Variants in STK32B observed in about 807,000 individuals in gnomAD.
The protein encoded by STK32B is serine/threonine kinase 32B.
A neutral mutation model predicts 52.6 loss-of-function variants in STK32B; 43 were observed. The observed-to-expected ratio is 0.82, with a 90% CI of 0.64 to 1.05. The LOEUF (loss-of-function observed/expected upper bound fraction) is 1.05. Among genes scored for constraint, STK32B ranks in the 50% least tolerant of loss-of-function variants. STK32B has a pLI of 0.00. For missense variants in STK32B, 621 were observed against 534.6 expected, an observed-to-expected ratio of 1.16 and a Z score of -1.59; for synonymous variants, 238 against 204.3, an observed-to-expected ratio of 1.17 and a Z score of -1.41.
intron 4 of STK32B, among the ~76,000 whole-genome samples, chr4:5,383,400 G>A (rs1360218623): frequency 6.6e-6 from 1 of 152,190 alleles, no homozygotes; most frequent in African/African-American, 2.4e-5. Flanking sequence ...GACCACTGGA[G>A]CTTCATGTTT....
upstream of STK32B, among the ~76,000 whole-genome samples, chr4:5,051,006 G>C (rs774751916): frequency 5.9e-5 from 9 of 151,970 alleles, no homozygotes; most frequent in Non-Finnish European, 1.3e-4. Flanking sequence ...AATCTTAAGG[G>C]GTCAGAAAGT....
At chr4:5,451,468 G>C (rs1456515633) in intron 7 of STK32B, among the ~76,000 whole-genome samples, 2 of 152,212 alleles carry the variant, frequency 1.3e-5, no homozygotes, top group African/African-American at 4.8e-5. Flanking sequence ...AAGCAGAGAA[G>C]TGACAGCACA....
intron 1 of STK32B, among the ~76,000 whole-genome samples, chr4:5,061,769 G>A (rs1368323062): frequency 6.6e-6 from 1 of 152,128 alleles, no homozygotes; most frequent in Non-Finnish European, 1.5e-5. Context: ...AAGCCTGGGT[G>A]TTTACCAAGC....
the STK32B span, among the ~76,000 whole-genome samples, chr4:5,023,306 G>T: frequency 6.6e-6 from 1 of 152,290 alleles, no homozygotes; most frequent in Admixed American, 6.5e-5. Flanking sequence ...TCTCTCTGGG[G>T]TTTGGTAGAA....
At chr4:5,122,460 C>T (rs1012773174) in intron 1 of STK32B, among the ~76,000 whole-genome samples, 7 of 152,206 alleles carry the variant, frequency 4.6e-5, no homozygotes, top group Non-Finnish European at 7.4e-5. Context: ...CTTATCCATT[C>T]AGTTGTTAAC....
intron 11 of STK32B, among the ~76,000 whole-genome samples, chr4:5,486,617 G>A (rs920021285): frequency 3.9e-5 from 6 of 152,334 alleles, no homozygotes; most frequent in Middle Eastern, 3.4e-3. Context: ...ACACTCCCCA[G>A]TGAGATGAAC....
chr4:5,415,474 G>T (rs1368670023), intron 5 of STK32B, among the ~76,000 whole-genome samples: 1 of 152,164 alleles, frequency 6.6e-6, no homozygotes, highest in Non-Finnish European at 1.5e-5. Context: ...ACCATGGATG[G>T]TTGAATAGAG....
intron 3 of STK32B, among the ~76,000 whole-genome samples, chr4:5,294,715 C>G (rs1729087633): frequency 6.6e-6 from 1 of 152,156 alleles, no homozygotes; most frequent in Non-Finnish European, 1.5e-5. Flanking sequence ...ATGTCATCTG[C>G]AAACAGAGAC....
chr4:5,407,579 C>G (rs1418114844), intron 5 of STK32B, among the ~76,000 whole-genome samples: 1 of 151,938 alleles, frequency 6.6e-6, no homozygotes, highest in East Asian at 1.9e-4. Context: ...TTGGTGAGGC[C>G]TCAGGGAACT....
chr4:5,488,211 T>C (rs1487432101), intron 11 of STK32B, among the ~76,000 whole-genome samples: 1 of 152,118 alleles, frequency 6.6e-6, no homozygotes, highest in Non-Finnish European at 1.5e-5. Flanking sequence ...GGCTGGAGAA[T>C]CACTTGAACC....
intron 4 of STK32B, among the ~76,000 whole-genome samples, chr4:5,385,967 CA>C: frequency 1.4e-5 from 2 of 139,776 alleles, no homozygotes; most frequent in Admixed American, 7.1e-5. Context: ...CCACAGCCCC[CA>C]CTCACAGCTC....
chr4:5,208,967 C>G (rs1722743336), intron 3 of STK32B, among the ~76,000 whole-genome samples: 2 of 152,222 alleles, frequency 1.3e-5, no homozygotes, highest in African/African-American at 4.8e-5. Context: ...TTATTGCCTT[C>G]AGGAAGAAGT....
chr4:5,375,769 A>G (rs1213963402), intron 4 of STK32B, among the ~76,000 whole-genome samples: 1 of 152,166 alleles, frequency 6.6e-6, no homozygotes, highest in African/African-American at 2.4e-5. Context: ...CCTCAGTATT[A>G]AGAATGAGAC....
intron 3 of STK32B, among the ~76,000 whole-genome samples, chr4:5,293,753 A>T (rs868075304): frequency 1.3e-5 from 2 of 152,030 alleles, no homozygotes; most frequent in Middle Eastern, 3.2e-3. Context: ...GTTCACTCTG[A>T]TGATAGTTTC....
intron 3 of STK32B, among the ~76,000 whole-genome samples, chr4:5,318,143 TTG>T (rs1207100976): frequency 1.3e-5 from 2 of 152,084 alleles, no homozygotes; most frequent in African/African-American, 4.8e-5. Context: ...ATGCATGCAC[TTG>T]TGTGTGTGAT....
At chr4:5,355,484 C>T (rs1734112777) in intron 4 of STK32B, among the ~76,000 whole-genome samples, 1 of 152,140 alleles carries the variant, frequency 6.6e-6, no homozygotes, top group African/African-American at 2.4e-5. Context: ...GTTCTATCCA[C>T]CTGGTTAACT....
At chr4:5,196,727 A>G (rs1383065017) in intron 3 of STK32B, among the ~76,000 whole-genome samples, 2 of 68,604 alleles carry the variant, frequency 2.9e-5, no homozygotes, top group African/African-American at 9.3e-5. Flanking sequence ...TCTCAAAAAA[A>G]TAAAATAAAA....
intron 4 of STK32B, among the ~76,000 whole-genome samples, chr4:5,355,710 C>T (rs1734131445): frequency 1.3e-5 from 2 of 152,140 alleles, no homozygotes; most frequent in African/African-American, 4.8e-5. Flanking sequence ...AAAATATCTC[C>T]ACACATCATC....
chr4:5,167,731 T>C (rs1718988167), intron 2 of STK32B, among the ~76,000 whole-genome samples: 1 of 152,116 alleles, frequency 6.6e-6, no homozygotes, highest in Non-Finnish European at 1.5e-5. Context: ...TTTCTAACAG[T>C]CGTGGATCGA....
Sources: allele counts gnomAD v4.1 joint callset (sites outside exome capture counted in the v4.1 genomes callset), GRCh38; gene constraint gnomAD v4.1.1; transcripts MANE v1.5; gene names NCBI Gene and HGNC (gene_info 2026-07-23, HGNC 2026-07-21).